The following XKR4 variants were observed in gnomAD, a reference collection of about 807,000 sequenced individuals.
The protein encoded by XKR4 is XK related 4, also known as XK-related protein 4.
Under a neutral mutation model 53.9 loss-of-function variants are expected in XKR4, and 12 were observed. The ratio of observed to expected loss-of-function variants is 0.22; its 90% CI spans 0.14 to 0.36. The LOEUF (loss-of-function observed/expected upper bound fraction) is 0.36. Among genes scored for constraint, XKR4 ranks in the 10% least tolerant of loss-of-function variants. The pLI is 1.00. For missense variants in XKR4, 799 were observed against 859.5 expected (o/e 0.93, Z 0.88); for synonymous variants, 354 against 362.4 (o/e 0.98, Z 0.26).
intron 1 of XKR4, among the ~76,000 whole-genome samples, chr8:55,345,686 G>A (rs2036619): frequency 0.2 from 30,625 of 152,172 alleles, 3,766 homozygotes; most frequent in Admixed American, 0.33. Context: ...GTGAATGTTC[G>A]TAACATCAGC....
At chr8:55,168,632 CTTG>C (rs1817104346) in intron 1 of XKR4, among the ~76,000 whole-genome samples, 2 of 152,154 alleles carry the variant, frequency 1.3e-5, no homozygotes, top group Non-Finnish European at 2.9e-5. Flanking sequence ...TTTTCACTCT[CTTG>C]TTGTTTTTAA....
chr8:55,202,112 G>T (rs1045826223), intron 1 of XKR4, among the ~76,000 whole-genome samples: 2 of 152,206 alleles, frequency 1.3e-5, no homozygotes, highest in African/African-American at 2.4e-5. Context: ...CAACTGCTCA[G>T]ATTCTAATAA....
intron 1 of XKR4, among the ~76,000 whole-genome samples, chr8:55,349,341 A>G (rs1047580030): frequency 1.3e-5 from 2 of 152,198 alleles, no homozygotes; most frequent in South Asian, 2.1e-4. Context: ...CGTTTTTGCT[A>G]TGGTGAATTC....
At chr8:55,503,446 A>G (rs1806475186) in intron 2 of XKR4, among the ~76,000 whole-genome samples, 1 of 152,148 alleles carries the variant, frequency 6.6e-6, no homozygotes, top group Non-Finnish European at 1.5e-5. Context: ...AAGCTATTAT[A>G]AATGAAATTT....
At chr8:55,256,706 A>T (rs1818443324) in intron 1 of XKR4, among the ~76,000 whole-genome samples, 1 of 152,210 alleles carries the variant, frequency 6.6e-6, no homozygotes, top group Admixed American at 6.5e-5. Context: ...GGTGGAGCTG[A>T]AACCTCAAAG....
chr8:55,443,657 C>T (rs1046310724), intron 2 of XKR4, among the ~76,000 whole-genome samples: 11 of 147,816 alleles, frequency 7.4e-5, no homozygotes, highest in Non-Finnish European at 3.0e-5. Context: ...TCCTGGCCAA[C>T]AAGGTGAAAC....
intron 1 of XKR4, among the ~76,000 whole-genome samples, chr8:55,316,412 G>T (rs1819476033): frequency 6.6e-6 from 1 of 152,168 alleles, no homozygotes; most frequent in African/African-American, 2.4e-5. Context: ...AATAGTTTTG[G>T]TTCAGGATTA....
At chr8:55,480,658 G>T (rs866836490) in intron 2 of XKR4, among the ~76,000 whole-genome samples, 19 of 151,646 alleles carry the variant, frequency 1.3e-4, no homozygotes, top group Non-Finnish European at 2.1e-4. Context: ...AAACCCCATC[G>T]TCTCAGCCCA....
At chr8:55,293,284 G>A (rs751262779) in intron 1 of XKR4, among the ~76,000 whole-genome samples, 2 of 152,086 alleles carry the variant, frequency 1.3e-5, no homozygotes, top group Non-Finnish European at 2.9e-5. Flanking sequence ...GCAGTGAGCC[G>A]AGATTGCAGC....
chr8:55,401,591 A>G (rs1036981145), intron 2 of XKR4, among the ~76,000 whole-genome samples: 1 of 152,218 alleles, frequency 6.6e-6, no homozygotes, highest in East Asian at 1.9e-4. Context: ...CGTTCCACAG[A>G]CAAGCAAGCT....
intron 1 of XKR4, among the ~76,000 whole-genome samples, chr8:55,210,598 A>G (rs1817718563): frequency 6.6e-6 from 1 of 152,178 alleles, no homozygotes; most frequent in Non-Finnish European, 1.5e-5. Flanking sequence ...GTTTTTCCGT[A>G]TTGTTGAGGG....
intron 2 of XKR4, among the ~76,000 whole-genome samples, chr8:55,379,351 C>CA (rs1292807055): frequency 2.0e-5 from 3 of 152,108 alleles, no homozygotes; most frequent in South Asian, 4.1e-4. Context: ...TACCAAATTA[C>CA]AAAAAAATAC....
chr8:55,534,327 C>G lies in XKR4; in HGVS notation c.*10100C>G, dbSNP rs529205612. Reference sequence around the variant, plus strand: ...TGTTGCTTCTCAGGCCCTGCAAAACCTTGGTTACGAGCTCAAAGATCACGA... The same window carrying G: ...TGTTGCTTCTCAGGCCCTGCAAAACGTTGGTTACGAGCTCAAAGATCACGA... On this transcript the variant is annotated 3_prime_UTR_variant, in exon 3 of 3. Coordinates refer to ENST00000327381, the MANE Select transcript of XKR4 (RefSeq NM_052898.2). The G allele has an allele frequency of 1.9e-4, 26 of 139,636 alleles. No homozygotes were observed. The highest frequency in any genetic ancestry group is 1.6e-3 in the Admixed American group (21 of 13,194). 8.6% of individuals were successfully genotyped at this position (139,636 alleles called of 1,614,324 possible).
rs768123432 is a variant in XKR4 at position 55,427,384 on chromosome 8, T to A, written c.1006+69507T>A. Among the ~76,000 whole-genome samples the A allele has an allele frequency of 1.2e-4, 19 of 152,188 alleles. No individual in the cohort carries two copies. In the East Asian group the frequency reaches 1.7e-3, roughly 14 times the overall value. ...ATTGAAACCAATTCTTTAAAAAAAA[T>A]TTTTTTAATAGAGACAAGGTCTCAC... On this transcript the variant is annotated intron_variant, in intron 2 of 2. Transcript: ENST00000327381.
chr8:55,452,190 ACCT>A (rs1276965185), intron 2 of XKR4: 13 of 714,682 alleles, frequency 1.8e-5, no homozygotes, highest in Non-Finnish European at 3.1e-5. Context: ...GTCAGACCCC[ACCT>A]CCTCATCAAA....
intron 2 of XKR4, among the ~76,000 whole-genome samples, chr8:55,388,859 A>T (rs551212242): frequency 6.6e-6 from 1 of 152,318 alleles, no homozygotes; most frequent in African/African-American, 2.4e-5. Flanking sequence ...CACGTAATTG[A>T]TGATCTCTCC....
At chr8:55,481,004 C>A (rs1806093302) in intron 2 of XKR4, among the ~76,000 whole-genome samples, 1 of 152,162 alleles carries the variant, frequency 6.6e-6, no homozygotes, top group Admixed American at 6.6e-5. Flanking sequence ...ATGCCATCCC[C>A]ATCAAGCTAC....
At chr8:55,171,129 C>T (rs1454489414) in intron 1 of XKR4, among the ~76,000 whole-genome samples, 3 of 152,186 alleles carry the variant, frequency 2.0e-5, no homozygotes, top group Non-Finnish European at 4.4e-5. Flanking sequence ...TACACATACA[C>T]ACTGTACCGT....
chr8:55,103,026 G>A lies in XKR4; in HGVS notation c.538G>A (p.Ala180Thr), dbSNP rs553063618. Residue 180 changes from alanine to threonine, a missense_variant, in exon 1 of 3, where the codon GCT becomes ACT. Physicochemically the swap from Ala to Thr is moderately conservative, Grantham distance 58. Transcript: ENST00000327381. ...CAGCACCGAGGACAGCGCCACGGCCGCTGCTGCCTCCAGCTGCCCGCAGCC... is the reference window on the plus strand; with the variant it reads ...CAGCACCGAGGACAGCGCCACGGCCACTGCTGCCTCCAGCTGCCCGCAGCC... The part of the protein sequence containing the change: ...DFSTEDSATA[A>T]AASSCPQPGA... 2.5e-6 allele frequency: 4 copies of A among 1,612,482 alleles called. No homozygotes were observed. Among genetic ancestry groups the A allele is most frequent in the Non-Finnish European group, 3.4e-6 (4 of 1,179,762 alleles).
Sources: gnomAD v4.1 joint callset for allele counts (sites outside exome capture counted in the v4.1 genomes callset) on GRCh38, gnomAD v4.1.1 for gene constraint, MANE v1.5 for transcripts, NCBI Gene and HGNC (gene_info 2026-07-23, HGNC 2026-07-21) for gene names.